NOS1AP: variants seen among roughly 807,000 people sequenced by gnomAD.
NOS1AP encodes carboxyl-terminal PDZ ligand of neuronal nitric oxide synthase protein.
In NOS1AP, 21 loss-of-function variants were observed where a neutral mutation model predicts 56.2. The ratio of observed to expected loss-of-function variants is 0.37; its 90% confidence interval spans 0.26 to 0.54. The LOEUF is 0.54. NOS1AP is among the 20% of genes least tolerant of loss of function. The pLI, the probability that NOS1AP is intolerant of heterozygous loss-of-function variation, is 0.84. For synonymous variants in NOS1AP, 270 were observed against 274.6 expected (o/e 0.98, Z 0.17); for missense variants, 522 against 657.8 (o/e 0.79, Z 2.26).
rs770543849 is a variant in NOS1AP at position 162,355,344 on chromosome 1, A to G, written c.753A>G (p.Thr251=). 5.0e-6 allele frequency: 8 copies of G among 1,613,986 alleles called. No individual in the cohort carries two copies. In the South Asian group the frequency reaches 8.8e-5, roughly 18 times the overall value. Residue 251 remains threonine (T), a synonymous_variant, in exon 7 of 10, where the codon ACA becomes ACG. Transcript: ENST00000361897. ...TAGGGAAGGAAGGAGGCTCTCACAC[A>G]GGCTCCAAGGTAGGCAAGAGATGGC... is the stretch of plus-strand genomic sequence containing the variant. ...DAVGKEGGSH[T]GSKVSHPQEP... is the part of the protein sequence containing the mutation.
chr1:162,184,556 C>T (rs1280313018), intron 2 of NOS1AP, among the ~76,000 whole-genome samples: 1 of 152,202 alleles, frequency 6.6e-6, no homozygotes, highest in Non-Finnish European at 1.5e-5. Context: ...ATTGTTACTG[C>T]TGAGAAAACT....
chr1:162,208,706 GATTA>G (rs1557833364), intron 2 of NOS1AP, among the ~76,000 whole-genome samples: 1 of 152,194 alleles, frequency 6.6e-6, no homozygotes, highest in South Asian at 2.1e-4. Context: ...GAGAACCATT[GATTA>G]ATTGTGTTTT....
chr1:162,327,678 A>G (rs1270865391), intron 4 of NOS1AP, among the ~76,000 whole-genome samples: 1 of 152,218 alleles, frequency 6.6e-6, no homozygotes, highest in African/African-American at 2.4e-5. Flanking sequence ...GTGAACCAGC[A>G]ATGAGATGTT....
chr1:162,234,248 C>T (rs1052832607), intron 2 of NOS1AP, among the ~76,000 whole-genome samples: 1 of 152,118 alleles, frequency 6.6e-6, no homozygotes, highest in Non-Finnish European at 1.5e-5. Flanking sequence ...AGAAGCAGAG[C>T]TAGTATCCTA....
intron 2 of NOS1AP, among the ~76,000 whole-genome samples, chr1:162,258,305 T>C (rs1654099875): frequency 6.6e-6 from 1 of 152,222 alleles, no homozygotes; most frequent in African/African-American, 2.4e-5. Flanking sequence ...CTTAATTATT[T>C]GGGTGCCCTG....
At chr1:162,228,861 G>GA (rs917429071) in intron 2 of NOS1AP, among the ~76,000 whole-genome samples, 1 of 151,678 alleles carries the variant, frequency 6.6e-6, no homozygotes, top group Non-Finnish European at 1.5e-5. Flanking sequence ...TAAAACAAGA[G>GA]AAAAAAAATA....
At chr1:162,360,001 TA>T (rs1248128583) in intron 8 of NOS1AP, among the ~76,000 whole-genome samples, 15 of 151,786 alleles carry the variant, frequency 9.9e-5, no homozygotes, top group Admixed American at 9.8e-4. Context: ...TTGCACTATT[TA>T]TGTCGTCCCC....
chr1:162,212,058 A>G (rs1309711542), intron 2 of NOS1AP, among the ~76,000 whole-genome samples: 1 of 152,202 alleles, frequency 6.6e-6, no homozygotes, highest in Non-Finnish European at 1.5e-5. Flanking sequence ...CTGGGGAAGG[A>G]CCAGGCAGAT....
chr1:162,238,114 C>T (rs1238441964), intron 2 of NOS1AP, among the ~76,000 whole-genome samples: 3 of 152,060 alleles, frequency 2.0e-5, no homozygotes, highest in Non-Finnish European at 4.4e-5. Context: ...GCATCATTTA[C>T]AGTATGGTGC....
rs1647236913 is a variant in NOS1AP at position 162,368,446 on chromosome 1, A to AAG, written c.*980_*981insGA. On this transcript the variant is annotated 3_prime_UTR_variant, in exon 10 of 10. Coordinates refer to ENST00000361897, the MANE Select transcript of NOS1AP (RefSeq NM_014697.3). The stretch of plus-strand genomic sequence containing the variant: ...GTGGTCAGTTTTTACTGCAAAAAAA[A>AAG]AAAAAGAAAAAAGAGAAAGAAAAAA... The AAG allele has an allele frequency of 2.0e-5, 3 of 148,830 alleles. No individual in the cohort carries two copies. The highest frequency in any genetic ancestry group is 4.5e-5 in the Non-Finnish European group (3 of 66,718). The allele number at this position is 148,830 out of a possible 1,614,324, so 9.2% of individuals were successfully genotyped here.
chr1:162,254,486 C>T (rs915730584), intron 2 of NOS1AP, among the ~76,000 whole-genome samples: 1 of 152,156 alleles, frequency 6.6e-6, no homozygotes, highest in Non-Finnish European at 1.5e-5. Flanking sequence ...TGATGGAGCA[C>T]GAGAGACATG....
At chr1:162,297,630 C>T (rs774057605) in intron 3 of NOS1AP, among the ~76,000 whole-genome samples, 45 of 152,144 alleles carry the variant, frequency 3.0e-4, no homozygotes, top group Admixed American at 5.2e-4. Flanking sequence ...GTTAAAGCTA[C>T]AGATTATGGG....
chr1:162,164,501 AC>A (rs1189192026), intron 2 of NOS1AP, among the ~76,000 whole-genome samples: 10 of 152,170 alleles, frequency 6.6e-5, no homozygotes, highest in African/African-American at 2.4e-4. Flanking sequence ...TGAACTCTGT[AC>A]CCATTAAACA....
intron 2 of NOS1AP, among the ~76,000 whole-genome samples, chr1:162,186,811 T>TA (rs1181966759): frequency 3.3e-5 from 5 of 152,232 alleles, no homozygotes; most frequent in African/African-American, 1.2e-4. Context: ...GTTTAAGCCA[T>TA]TAGTTTATGA....
At chr1:162,097,551 G>A (rs1418638346) in intron 1 of NOS1AP, among the ~76,000 whole-genome samples, 1 of 152,144 alleles carries the variant, frequency 6.6e-6, no homozygotes, top group Admixed American at 6.5e-5. Flanking sequence ...TTTTATGCAT[G>A]GTTTGAAATA....
chr1:162,070,376 G>C (rs1691635734), intron 1 of NOS1AP, 94 bp downstream of exon 1: 2 of 1,041,698 alleles, frequency 1.9e-6, no homozygotes, highest in Admixed American at 3.7e-5. Context: ...ACCCAGAGCT[G>C]GCGGGCTAGG....
chr1:162,233,320 G>A (rs1245577652), intron 2 of NOS1AP, among the ~76,000 whole-genome samples: 1 of 152,162 alleles, frequency 6.6e-6, no homozygotes, highest in Non-Finnish European at 1.5e-5. Flanking sequence ...CTCTTGCATG[G>A]TGGTGGCTGG....
intron 4 of NOS1AP, among the ~76,000 whole-genome samples, chr1:162,322,333 C>T (rs1478351178): frequency 6.6e-6 from 1 of 152,142 alleles, no homozygotes; most frequent in Non-Finnish European, 1.5e-5. Flanking sequence ...GTCAGAGCAA[C>T]TGGAAAAATA....
intron 1 of NOS1AP, among the ~76,000 whole-genome samples, chr1:162,124,679 G>A (rs571091880): frequency 1.2e-4 from 18 of 152,096 alleles, no homozygotes; most frequent in South Asian, 4.2e-4. Flanking sequence ...CCGCCAGCGC[G>A]CCCAGCTAAT....
Sources: allele counts gnomAD v4.1 joint callset (sites outside exome capture counted in the v4.1 genomes callset), GRCh38; gene constraint gnomAD v4.1.1; transcripts MANE v1.5; gene names NCBI Gene and HGNC (gene_info 2026-07-23, HGNC 2026-07-21).